EFL1: variants seen among roughly 807,000 people sequenced by gnomAD.
EFL1 encodes elongation factor-like GTPase 1.
A neutral mutation model predicts 126.7 loss-of-function variants in EFL1; 76 were observed. The observed-to-expected ratio is 0.60, with a 90% confidence interval of 0.50 to 0.73. The LOEUF is 0.73. Ranked by LOEUF, EFL1 falls within the 30% of genes least tolerant of loss-of-function variation. The pLI is 0.00. For synonymous variants in EFL1, 410 were observed against 448.4 expected (o/e 0.91, Z 1.08); for missense variants, 1,128 against 1,343.2 (o/e 0.84, Z 2.50).
chr15:82,142,173 T>C lies in EFL1; in HGVS notation c.2990-3331A>G, dbSNP rs143278079. ...TCATACCCTTTCCACTGGATATCTG[T>C]TCCATCATGATCACTTGTTTGTTCA... On this transcript the variant is annotated intron_variant, in intron 18 of 19. Coordinates refer to ENST00000268206, the MANE Select transcript of EFL1 (RefSeq NM_024580.6). Among the ~76,000 whole-genome samples, 1,075 of 152,314 alleles carry C rather than the reference T, an allele frequency of 7.1e-3. 14 individuals carry two copies. Among genetic ancestry groups the C allele is most frequent in the African/African-American group, 0.025 (1,027 of 41,548 alleles).
chr15:82,261,592 C>T, intron 2 of EFL1, 96 bp downstream of exon 2: 1 of 1,174,092 alleles, frequency 8.5e-7, no homozygotes, highest in Non-Finnish European at 1.2e-6. Flanking sequence ...TCTTAGCAAA[C>T]ATCACTCTCA....
chr15:82,239,155 G>A (rs1172047408), intron 6 of EFL1, among the ~76,000 whole-genome samples: 1 of 151,902 alleles, frequency 6.6e-6, no homozygotes, highest in Non-Finnish European at 1.5e-5. Flanking sequence ...TCTTTTTTCT[G>A]AGGTGGAGTC....
chr15:82,144,023 C>T (rs1172936419), intron 18 of EFL1, among the ~76,000 whole-genome samples: 1 of 152,084 alleles, frequency 6.6e-6, no homozygotes, highest in African/African-American at 2.4e-5. Context: ...TTGTGTTAAA[C>T]CAACCAAGTG....
chr15:82,157,695 C>G lies in EFL1; in HGVS notation c.2030+18G>C, dbSNP rs553387088. 1 of 1,602,498 alleles carries G rather than the reference C, an allele frequency of 6.2e-7. No homozygotes were observed. The highest frequency in any genetic ancestry group is 8.5e-7 in the Non-Finnish European group (1 of 1,171,786). ...ATTGAGAGCTATCATTTCTCCATCG[C>G]TATCATTTTCACCTAACCTTTCTTT... On this transcript the variant is annotated intron_variant, in intron 17 of 19. Transcript: ENST00000268206.
intron 14 of EFL1, among the ~76,000 whole-genome samples, chr15:82,217,747 G>A (rs530532349): frequency 2.0e-5 from 3 of 152,276 alleles, no homozygotes; most frequent in South Asian, 2.1e-4. Flanking sequence ...TCTCCTTCTC[G>A]AGTGTGAGTG....
intron 4 of EFL1, among the ~76,000 whole-genome samples, chr15:82,244,074 C>T (rs923337717): frequency 1.3e-5 from 2 of 152,140 alleles, no homozygotes; most frequent in Non-Finnish European, 2.9e-5. Flanking sequence ...AGTTACACAG[C>T]TGACAAAGGC....
rs1013388512 is a variant in EFL1, at chr15:82,250,878, C to G, written c.244+1813G>C. Among the ~76,000 whole-genome samples, 34 of 152,280 alleles carry G rather than the reference C, an allele frequency of 2.2e-4. 1 individual carries two copies. The highest frequency in any genetic ancestry group is 8.2e-4 in the African/African-American group (34 of 41,542). On this transcript the variant is annotated intron_variant, in intron 4 of 19. Transcript: ENST00000268206. ...TATGCTTTCAATAATCTATCCCACCCCAACCCAAGCTAGCTTAAGTCTCTG... is the reference window on the plus strand; with the variant it reads ...TATGCTTTCAATAATCTATCCCACCGCAACCCAAGCTAGCTTAAGTCTCTG...
At chr15:82,206,209 A>C (rs778518404) in intron 15 of EFL1, among the ~76,000 whole-genome samples, 5 of 152,226 alleles carry the variant, frequency 3.3e-5, no homozygotes, top group Non-Finnish European at 7.3e-5. Context: ...TTTGAGAAAA[A>C]AACAAACCAA....
chr15:82,138,840 G>C lies in EFL1; in HGVS notation c.2992C>G (p.Arg998Gly). 6.2e-7 allele frequency: 1 copy of C among 1,611,354 alleles called. No homozygotes were observed. The highest frequency in any genetic ancestry group is 8.5e-7 in the Non-Finnish European group (1 of 1,178,756). ...CTCTTTGACAAGACAGCATAGACTCGACCTGTAAAACCATAAATCTTTTAA... is the reference window on the plus strand; with the variant it reads ...CTCTTTGACAAGACAGCATAGACTCCACCTGTAAAACCATAAATCTTTTAA... ...DIMATGDVLGRVYAVLSKREG... is the reference protein window; with the variant it reads ...DIMATGDVLGGVYAVLSKREG... Residue 998 changes from arginine to glycine, a missense_variant and splice_region_variant, in exon 19 of 20, where the codon CGA (arginine) becomes GGA (glycine). This residue lies in a region of EFL1 where 561 missense variants were observed against 641.7 expected (regional missense o/e 0.87). Transcript: ENST00000268206.
At position 82,165,684 on chromosome 15, in the gene EFL1, C is replaced by A. The variant is rs144197001; in HGVS notation, c.1751-1700G>T. Among the ~76,000 whole-genome samples, 318 of 152,334 alleles carry A rather than the reference C, an allele frequency of 2.1e-3. 1 individual carries two copies. Among genetic ancestry groups the A allele is most frequent in the Middle Eastern group, 3.4e-3 (1 of 294 alleles). On this transcript the variant is annotated intron_variant, in intron 15 of 19. Coordinates refer to ENST00000268206, the MANE Select transcript of EFL1 (RefSeq NM_024580.6). ...CACACATCGTTCTTAGTGTGTGGAA[C>A]CTCCAAAGGTTCACAGAAAATGTGC...
At chr15:82,211,282 G>A (rs984409663) in intron 15 of EFL1, among the ~76,000 whole-genome samples, 7 of 151,434 alleles carry the variant, frequency 4.6e-5, no homozygotes, top group East Asian at 1.9e-4. Flanking sequence ...ATCCCAGCAC[G>A]TTGGGAGGCC....
At chr15:82,233,455 A>G (rs1187096986) in intron 7 of EFL1, among the ~76,000 whole-genome samples, 2 of 152,214 alleles carry the variant, frequency 1.3e-5, no homozygotes, top group East Asian at 1.9e-4. Context: ...TCAGTCAAGT[A>G]TGAAATTACT....
chr15:82,186,028 T>G (rs1030930366), intron 15 of EFL1, among the ~76,000 whole-genome samples: 21 of 152,196 alleles, frequency 1.4e-4, no homozygotes, highest in African/African-American at 4.8e-4. Context: ...GGAATTTTGT[T>G]GTATAAAATT....
intron 7 of EFL1, among the ~76,000 whole-genome samples, chr15:82,234,414 A>G (rs2074852123): frequency 6.6e-6 from 1 of 152,218 alleles, no homozygotes; most frequent in African/African-American, 2.4e-5. Context: ...CCATATATGA[A>G]AAGTACAAAT....
intron 3 of EFL1, among the ~76,000 whole-genome samples, chr15:82,257,305 G>T (rs917761458): frequency 8.5e-5 from 13 of 152,100 alleles, no homozygotes; most frequent in African/African-American, 3.1e-4. Context: ...TTCTTTCTGG[G>T]TATCACATAT....
intron 15 of EFL1, among the ~76,000 whole-genome samples, chr15:82,179,136 CCTCT>C (rs1234421891): frequency 6.6e-6 from 1 of 151,788 alleles, no homozygotes; most frequent in Non-Finnish European, 1.5e-5. Flanking sequence ...AGAGTGAGAC[CCTCT>C]CTCTAACAAA....
chr15:82,164,707 C>T (rs1483805513), intron 15 of EFL1, among the ~76,000 whole-genome samples: 1 of 151,478 alleles, frequency 6.6e-6, no homozygotes, highest in Admixed American at 6.6e-5. Flanking sequence ...ACTATCCTGG[C>T]TAACACGGTG....
intron 18 of EFL1, among the ~76,000 whole-genome samples, chr15:82,144,973 C>A (rs2073827471): frequency 6.8e-6 from 1 of 148,106 alleles, no homozygotes; most frequent in Non-Finnish European, 1.5e-5. Flanking sequence ...AGCTGGGCAA[C>A]AGAGCAAGAC....
In EFL1 at chr15:82,230,941, T is replaced by C. The variant is rs746745751; in HGVS notation, c.762A>G (p.Gln254=). 5.0e-6 allele frequency: 8 copies of C among 1,613,384 alleles called. No individual in the cohort carries two copies. The Admixed American group carries it at 5.0e-5, about 10-fold the overall frequency. Residue 254 remains glutamine (Q), a synonymous_variant, in exon 8 of 20, where the codon CAA becomes CAG. Transcript: ENST00000268206. The part of the protein sequence containing the change: ...GIEHFARIYS[Q]KIGIKKEVLM... ...GAACTTCCTTTTTGATGCCAATTTT[T>C]TGACTGTAGATTCTGGCGAAGTGCT...
Sources: allele counts gnomAD v4.1 joint callset (sites outside exome capture counted in the v4.1 genomes callset), GRCh38; gene constraint gnomAD v4.1.1; regional missense constraint gnomAD v4.1.1; transcripts MANE v1.5; gene names NCBI Gene and HGNC (gene_info 2026-07-23, HGNC 2026-07-21).